Variants in NRXN1 observed in about 807,000 individuals in gnomAD.
NRXN1 encodes the protein neurexin-1.
A neutral mutation model predicts 150.9 loss-of-function variants in NRXN1; 39 were observed. That is an observed-to-expected ratio of 0.26 (90% CI 0.20 to 0.34). The LOEUF (loss-of-function observed/expected upper bound fraction) is 0.34, where lower values mean the gene tolerates loss of function less well. NRXN1 is among the 10% of genes least tolerant of loss of function. The pLI, the probability that NRXN1 is intolerant of heterozygous loss-of-function variation, is 1.00. For synonymous variants in NRXN1, 924 were observed against 757.0 expected, an observed-to-expected ratio of 1.22 and a Z score of -3.62; for missense variants, 1,815 against 1,949.9, an observed-to-expected ratio of 0.93 and a Z score of 1.30.
chr2:50,743,142 A>C (rs867071414), intron 5 of NRXN1, among the ~76,000 whole-genome samples: 1 of 152,192 alleles, frequency 6.6e-6, no homozygotes, highest in Non-Finnish European at 1.5e-5. Context: ...TTCTATGACA[A>C]AAATTTGATT....
At chr2:50,777,423 A>C (rs1703799537) in intron 5 of NRXN1, among the ~76,000 whole-genome samples, 1 of 152,138 alleles carries the variant, frequency 6.6e-6, no homozygotes, top group Non-Finnish European at 1.5e-5. Flanking sequence ...AAGACAGTTG[A>C]TTTTTAGAAA....
At chr2:50,498,332 G>T (rs370322576) in intron 13 of NRXN1, among the ~76,000 whole-genome samples, 1 of 152,132 alleles carries the variant, frequency 6.6e-6, no homozygotes, top group African/African-American at 2.4e-5. Context: ...TTTTGTTCAT[G>T]CTAGTCTTCT....
chr2:50,559,836 T>C (rs764267278), intron 8 of NRXN1, among the ~76,000 whole-genome samples: 7 of 152,148 alleles, frequency 4.6e-5, no homozygotes, highest in African/African-American at 7.2e-5. Flanking sequence ...AATTAGAAAT[T>C]TGAAAATTTC....
chr2:50,715,042 T>C (rs1695689409), intron 5 of NRXN1, among the ~76,000 whole-genome samples: 1 of 152,180 alleles, frequency 6.6e-6, no homozygotes, highest in Non-Finnish European at 1.5e-5. Context: ...GACTGTTTAC[T>C]GGTAAACATG....
rs552231598 is a variant in NRXN1 at position 50,646,708 on chromosome 2, CTTTT to C, written c.833-23097_833-23094del. On this transcript the variant is annotated intron_variant, in intron 5 of 22. Transcript: ENST00000401669. ...TCCTGCCTCTGTACTTTCATGTTGT[CTTTT>C]TTTTTTTTTTTTTTTTTCTCTCTGA... is the stretch of plus-strand genomic sequence containing the variant. Among the ~76,000 whole-genome samples, 15 of 107,406 alleles carry C rather than the reference CTTTT, an allele frequency of 1.4e-4. No homozygotes were observed. In the East Asian group the frequency reaches 1.8e-3, roughly 13 times the overall value. 70.5% of individuals were successfully genotyped at this position (107,406 alleles called of 152,430 possible). A position where few individuals can be genotyped will look rare whatever the true frequency, so the allele number is the denominator to read the frequency against.
chr2:50,998,727 TGTCA>T (rs1699644561), intron 2 of NRXN1, among the ~76,000 whole-genome samples: 2 of 152,104 alleles, frequency 1.3e-5, no homozygotes, highest in African/African-American at 2.4e-5. Context: ...TTTAATCTTT[TGTCA>T]GTCAATTATT....
chr2:50,249,069 A>C (rs770445356), intron 17 of NRXN1, among the ~76,000 whole-genome samples: 3 of 149,506 alleles, frequency 2.0e-5, no homozygotes, highest in Non-Finnish European at 3.0e-5. Context: ...AAGTTGGAGG[A>C]TCACTTGAGC....
At chr2:50,320,283 C>CATAT (rs61282635) in intron 17 of NRXN1, among the ~76,000 whole-genome samples, 694 of 42,952 alleles carry the variant, frequency 0.016, 51 homozygotes, top group Middle Eastern at 0.029. Context: ...ATACCTCAAT[C>CATAT]ATATATATAT....
At chr2:50,313,517 T>C (rs948400624) in intron 17 of NRXN1, among the ~76,000 whole-genome samples, 1 of 152,112 alleles carries the variant, frequency 6.6e-6, no homozygotes, top group Non-Finnish European at 1.5e-5. Context: ...ATCTGTTCTA[T>C]GGGTGCTAGC....
intron 10 of NRXN1, among the ~76,000 whole-genome samples, chr2:50,536,819 T>G (rs985076044): frequency 1.3e-5 from 2 of 152,138 alleles, no homozygotes; most frequent in African/African-American, 2.4e-5. Flanking sequence ...AAGAGGAAAC[T>G]TATAAAGAAT....
intron 8 of NRXN1, among the ~76,000 whole-genome samples, chr2:50,612,954 A>T (rs1408900695): frequency 1.3e-5 from 2 of 152,212 alleles, no homozygotes; most frequent in African/African-American, 4.8e-5. Context: ...AAGTACTGAC[A>T]CTATTACAGT....
intron 18 of NRXN1, among the ~76,000 whole-genome samples, chr2:50,162,562 A>T (rs948162908): frequency 2.0e-5 from 3 of 152,138 alleles, no homozygotes; most frequent in African/African-American, 7.2e-5. Flanking sequence ...GATTAAGATA[A>T]AACCATAAAA....
chr2:50,865,658 G>GTTT lies in NRXN1; in HGVS notation c.832+56208_832+56210dup, dbSNP rs71404978. 4.0e-3 allele frequency among the ~76,000 whole-genome samples: 167 copies of GTTT among 41,854 alleles called. 27 individuals carry two copies. Among genetic ancestry groups the GTTT allele is most frequent in the South Asian group, 7.5e-3 (6 of 804 alleles). The allele number at this position is 41,854 out of a possible 152,430, so 27.5% of individuals were successfully genotyped here. On this transcript the variant is annotated intron_variant, in intron 5 of 22. Coordinates refer to ENST00000401669, the MANE Select transcript of NRXN1 (RefSeq NM_001330078.2). ...AGTAATTCCCAGTAAGCATTTGAAAGTTTTTTTTTTTTTTTTTTTTTTTTT... is the reference window on the plus strand; with the variant it reads ...AGTAATTCCCAGTAAGCATTTGAAAGTTTTTTTTTTTTTTTTTTTTTTTTTTTT...
rs1321026290 is a variant in NRXN1 at position 50,956,133 on chromosome 2, C to T, written c.773-30178G>A. Among the ~76,000 whole-genome samples, 7 of 151,938 alleles carry T rather than the reference C, an allele frequency of 4.6e-5. No homozygotes were observed. The East Asian group carries it at 5.8e-4, about 13-fold the overall frequency. The stretch of plus-strand genomic sequence containing the variant: ...TTTTCACTTTCCAAAGTGGCTGTTA[C>T]CAGAGGTACACAACAGTAACATATT... On this transcript the variant is annotated intron_variant, in intron 2 of 22. Coordinates refer to ENST00000401669, the MANE Select transcript of NRXN1 (RefSeq NM_001330078.2).
At chr2:50,584,150 T>G (rs560765362) in intron 8 of NRXN1, among the ~76,000 whole-genome samples, 2 of 152,240 alleles carry the variant, frequency 1.3e-5, no homozygotes, top group Admixed American at 1.3e-4. Flanking sequence ...AGAGGTTATG[T>G]CTTTGAATTA....
intron 8 of NRXN1, among the ~76,000 whole-genome samples, chr2:50,566,050 C>A (rs376908717): frequency 1.3e-5 from 2 of 152,172 alleles, no homozygotes; most frequent in African/African-American, 4.8e-5. Flanking sequence ...CACAGCGATG[C>A]TGACCCGACA....
chr2:50,641,265 T>G (rs970133048), intron 5 of NRXN1, among the ~76,000 whole-genome samples: 3 of 152,158 alleles, frequency 2.0e-5, no homozygotes, highest in Non-Finnish European at 4.4e-5. Context: ...TGTGTTTTCT[T>G]TACATGTATT....
At chr2:50,385,468 T>G (rs2081272357) in intron 17 of NRXN1, among the ~76,000 whole-genome samples, 1 of 152,180 alleles carries the variant, frequency 6.6e-6, no homozygotes, top group African/African-American at 2.4e-5. Flanking sequence ...GACTTCTACA[T>G]TAAGCTAATG....
intron 18 of NRXN1, among the ~76,000 whole-genome samples, chr2:50,106,951 T>C (rs1701726866): frequency 6.6e-6 from 1 of 151,978 alleles, no homozygotes; most frequent in Non-Finnish European, 1.5e-5. Flanking sequence ...TCTGTTGACA[T>C]TGGCACAGAC....
Sources: allele counts gnomAD v4.1 joint callset (sites outside exome capture counted in the v4.1 genomes callset), GRCh38; gene constraint gnomAD v4.1.1; transcripts MANE v1.5; gene names NCBI Gene and HGNC (gene_info 2026-07-23, HGNC 2026-07-21).